The following ENAH variants were observed in gnomAD, a reference collection of about 807,000 sequenced individuals.
ENAH encodes the protein ENAH actin regulator.
A neutral mutation model predicts 78.7 loss-of-function variants in ENAH; 23 were observed. The observed-to-expected ratio is 0.29, with a 90% confidence interval of 0.21 to 0.41. The LOEUF (loss-of-function observed/expected upper bound fraction) is 0.41. ENAH is among the 10% of genes least tolerant of loss of function. ENAH has a pLI of 1.00. For synonymous variants in ENAH, 226 were observed against 241.0 expected (o/e 0.94, Z 0.58); for missense variants, 544 against 691.0 (o/e 0.79, Z 2.39).
At chr1:225,637,065 C>A (rs1660192052) in intron 1 of ENAH, among the ~76,000 whole-genome samples, 1 of 152,204 alleles carries the variant, frequency 6.6e-6, no homozygotes, top group African/African-American at 2.4e-5. Context: ...AACGACCATT[C>A]TGAAGTGAAT....
chr1:225,572,646 T>C (rs79912077), intron 1 of ENAH, among the ~76,000 whole-genome samples: 6,015 of 152,232 alleles, frequency 0.04, 139 homozygotes, highest in Middle Eastern at 0.065. Flanking sequence ...ACTAGAGCAA[T>C]GCATCATTTT....
intron 3 of ENAH, among the ~76,000 whole-genome samples, chr1:225,552,846 AATGTGGAAC>A (rs1454260595): frequency 6.6e-6 from 1 of 152,194 alleles, no homozygotes; most frequent in African/African-American, 2.4e-5. Flanking sequence ...AACTTTCTAT[AATGTGGAAC>A]ATTGTTTCTT....
At chr1:225,527,256 T>C (rs973804419) in intron 4 of ENAH, among the ~76,000 whole-genome samples, 1 of 152,340 alleles carries the variant, frequency 6.6e-6, no homozygotes, top group East Asian at 1.9e-4. Context: ...AACAGGACAA[T>C]TTCACTCAAC....
chr1:225,537,229 A>G (rs1313773091), intron 3 of ENAH, among the ~76,000 whole-genome samples: 1 of 152,156 alleles, frequency 6.6e-6, no homozygotes, highest in Non-Finnish European at 1.5e-5. Flanking sequence ...CCCATTACCA[A>G]TCATGTTGGC....
At chr1:225,549,551 G>A (rs979625231) in intron 3 of ENAH, among the ~76,000 whole-genome samples, 5 of 152,260 alleles carry the variant, frequency 3.3e-5, no homozygotes, top group African/African-American at 1.2e-4. Context: ...TCTAGCTGTG[G>A]GTCCTCGCAT....
At chr1:225,582,967 A>C (rs2151623815) in intron 1 of ENAH, among the ~76,000 whole-genome samples, 1 of 152,380 alleles carries the variant, frequency 6.6e-6, no homozygotes, top group East Asian at 1.9e-4. Context: ...GAAACTTTAC[A>C]TAAAGAAGAA....
chr1:225,498,452 T>C (rs1482753796), intron 12 of ENAH, 48 bp from the exon 13 acceptor site: 1 of 1,171,876 alleles, frequency 8.5e-7, no homozygotes, highest in African/African-American at 1.6e-5. Flanking sequence ...AAATTACCAC[T>C]AAAGAGATTC....
chr1:225,511,258 A>G (rs1199403241), intron 10 of ENAH, among the ~76,000 whole-genome samples: 4 of 152,222 alleles, frequency 2.6e-5, no homozygotes, highest in Non-Finnish European at 5.9e-5. Context: ...ATATGTAATG[A>G]GTTCGTATTC....
chr1:225,582,017 T>C lies in ENAH; in HGVS notation c.6-14603A>G, dbSNP rs72753041. Among the ~76,000 whole-genome samples, 378 of 152,298 alleles carry C rather than the reference T, an allele frequency of 2.5e-3. 1 individual carries two copies. The highest frequency in any genetic ancestry group is 3.0e-3 in the Non-Finnish European group (201 of 68,010). On this transcript the variant is annotated intron_variant, in intron 1 of 13. Transcript: ENST00000366843. ...GATCTGTGTCCCTGCCCAAATGTCA[T>C]GTCACTGTAATCCCCAATGTTGGGG...
chr1:225,497,407 CTCTT>C lies in ENAH; in HGVS notation c.*364_*367del, dbSNP rs770027818. The C allele has an allele frequency of 5.6e-5, 9 of 161,132 alleles. No homozygotes were observed. The highest frequency in any genetic ancestry group is 1.2e-4 in the Non-Finnish European group (9 of 73,226). The allele number at this position is 161,132 out of a possible 1,614,324, so 10.0% of individuals were successfully genotyped here. A position where few individuals can be genotyped will look rare whatever the true frequency, so the allele number is the denominator to read the frequency against. ...CAAAAAAACTTCCTAAGCCTTTCTC[CTCTT>C]TATTTTAGCAATGTATTGTGGAAAA... On this transcript the variant is annotated 3_prime_UTR_variant, in exon 14 of 14. Transcript: ENST00000366843.
chr1:225,569,163 CCT>C (rs1371930255), intron 1 of ENAH, among the ~76,000 whole-genome samples: 1 of 152,190 alleles, frequency 6.6e-6, no homozygotes, highest in African/African-American at 2.4e-5. Flanking sequence ...AGGCAAAGTG[CCT>C]CTTACAGCTT....
chr1:225,537,455 A>C (rs1328792643), intron 3 of ENAH, among the ~76,000 whole-genome samples: 1 of 152,206 alleles, frequency 6.6e-6, no homozygotes, highest in Non-Finnish European at 1.5e-5. Context: ...ATTCTACTGC[A>C]GTTTGCATTT....
chr1:225,596,173 T>C (rs2096901067), intron 1 of ENAH, among the ~76,000 whole-genome samples: 1 of 152,230 alleles, frequency 6.6e-6, no homozygotes, highest in South Asian at 2.1e-4. Context: ...TTTAATACTC[T>C]ACCCTGGAAA....
At chr1:225,597,805 A>G (rs1437173779) in intron 1 of ENAH, among the ~76,000 whole-genome samples, 1 of 152,210 alleles carries the variant, frequency 6.6e-6, no homozygotes, top group Non-Finnish European at 1.5e-5. Context: ...TAGATGATGC[A>G]TAAGGCCTAC....
intron 3 of ENAH, among the ~76,000 whole-genome samples, chr1:225,541,538 C>A (rs182385090): frequency 6.6e-5 from 10 of 152,064 alleles, no homozygotes; most frequent in African/African-American, 1.7e-4. Flanking sequence ...ATGGGTAAAC[C>A]GTATGGTATG....
At chr1:225,540,968 CA>C (rs200815469) in intron 3 of ENAH, among the ~76,000 whole-genome samples, 1 of 151,688 alleles carries the variant, frequency 6.6e-6, no homozygotes, top group Non-Finnish European at 1.5e-5. Flanking sequence ...AAGCCAGTCA[CA>C]AAAAAAACCC....
intron 3 of ENAH, among the ~76,000 whole-genome samples, chr1:225,553,876 A>G (rs2096653528): frequency 6.6e-6 from 1 of 152,222 alleles, no homozygotes; most frequent in South Asian, 2.1e-4. Context: ...CTGATACAAA[A>G]CATCTAAAGG....
intron 2 of ENAH, among the ~76,000 whole-genome samples, chr1:225,558,337 G>C (rs773580392): frequency 6.6e-6 from 1 of 152,162 alleles, no homozygotes; most frequent in Non-Finnish European, 1.5e-5. Context: ...AACACCACCA[G>C]TAGAGCCAGC....
chr1:225,650,848 T>TTAAA (rs749280397), intron 1 of ENAH, among the ~76,000 whole-genome samples: 7 of 58,934 alleles, frequency 1.2e-4, no homozygotes, highest in Non-Finnish European at 1.8e-4. Context: ...AGACTGCATT[T>TTAAA]AAAAAAAAAA....
Sources: allele counts gnomAD v4.1 joint callset (sites outside exome capture counted in the v4.1 genomes callset), GRCh38; gene constraint gnomAD v4.1.1; transcripts MANE v1.5; gene names NCBI Gene and HGNC (gene_info 2026-07-23, HGNC 2026-07-21).